Variants in S100Z observed in about 807,000 individuals in gnomAD.
S100Z encodes protein S100-Z.
S100Z carries 11 observed loss-of-function variants against 8.5 expected under a neutral mutation model. That is an observed-to-expected ratio of 1.30 (90% confidence interval 0.82 to 2.15). The LOEUF (loss-of-function observed/expected upper bound fraction) is 2.15, where lower values mean the gene tolerates loss of function less well. Ranked by LOEUF, S100Z falls within the 30% of genes most tolerant of loss-of-function variation. The probability of loss-of-function intolerance (pLI) is 0.00; values close to 1 mark genes in which losing one functional copy is unlikely to be tolerated. For synonymous variants in S100Z, 34 were observed against 43.8 expected (o/e 0.78, Z 0.89); for missense variants, 126 against 117.9 (o/e 1.07, Z -0.32).
chr5:76,892,268 C>T (rs368049506), intron 4 of S100Z, among the ~76,000 whole-genome samples: 13 of 152,186 alleles, frequency 8.5e-5, no homozygotes, highest in Middle Eastern at 3.4e-3. Context: ...CAGATGAGAT[C>T]GGTAGGATGG....
At position 76,897,036 on chromosome 5, in the gene S100Z, C is replaced by G. The variant is rs190877178; in HGVS notation, c.*2+19202C>G. 2.0e-3 allele frequency among the ~76,000 whole-genome samples: 309 copies of G among 152,214 alleles called. 2 individuals carry two copies. The highest frequency in any genetic ancestry group is 0.014 in the Middle Eastern group (4 of 294). On this transcript the variant is annotated intron_variant, in intron 4 of 4. Transcript: ENST00000317593. ...CTGTGTGTCTGTTTTTATGCCAATG[C>G]CATGCTGTTTGGTTACTATAGCTCT...
At position 76,853,580 on chromosome 5, in the gene S100Z, G is replaced by A. The variant is rs375816454; in HGVS notation, c.-176+3425G>A. Among the ~76,000 whole-genome samples the A allele has an allele frequency of 3.7e-4, 57 of 152,222 alleles. No individual in the cohort carries two copies. The South Asian group carries it at 0.011, about 30-fold the overall frequency. On this transcript the variant is annotated intron_variant, in intron 1 of 4. Coordinates refer to ENST00000317593, the MANE Select transcript of S100Z (RefSeq NM_130772.4). ...GGAGGCTGAGGCAGGCAGATCATCT[G>A]AGGTCAGGAGTTCAAGATCAGCCTG...
chr5:76,868,521 T>C (rs1408433224), intron 1 of S100Z, among the ~76,000 whole-genome samples: 2 of 151,994 alleles, frequency 1.3e-5, no homozygotes, highest in Non-Finnish European at 2.9e-5. Context: ...AATATAATAC[T>C]GTTGAGACCC....
chr5:76,940,495 C>T, the S100Z span, among the ~76,000 whole-genome samples: 1 of 152,176 alleles, frequency 6.6e-6, no homozygotes, highest in Middle Eastern at 3.4e-3. Flanking sequence ...TAAGTGCAAC[C>T]TCCACCTTCT....
chr5:76,941,429 C>T, the S100Z span, among the ~76,000 whole-genome samples: 2,216 of 152,282 alleles, frequency 0.015, 62 homozygotes, highest in African/African-American at 0.05. Context: ...GGTTCCCCTA[C>T]ACACGCTCTC....
At chr5:76,874,953 C>T (rs898334092) in intron 2 of S100Z, among the ~76,000 whole-genome samples, 1 of 151,982 alleles carries the variant, frequency 6.6e-6, no homozygotes, top group Non-Finnish European at 1.5e-5. Context: ...GGCGCGATCT[C>T]GGCTCACTGC....
intron 1 of S100Z, among the ~76,000 whole-genome samples, chr5:76,854,329 C>T (rs1028281054): frequency 6.6e-6 from 1 of 152,092 alleles, no homozygotes; most frequent in Non-Finnish European, 1.5e-5. Flanking sequence ...TTGGAACTTC[C>T]TAGAGACTTG....
downstream of S100Z, among the ~76,000 whole-genome samples, chr5:76,921,988 CAAAAAAA>C (rs35018497): frequency 2.6e-5 from 3 of 114,726 alleles, no homozygotes; most frequent in Admixed American, 2.7e-4. Flanking sequence ...GAGACTGTCT[CAAAAAAA>C]AAAAAAAAGA....
downstream of S100Z, among the ~76,000 whole-genome samples, chr5:76,924,827 C>T (rs1016546666): frequency 4.0e-5 from 6 of 151,884 alleles, no homozygotes; most frequent in African/African-American, 7.3e-5. Flanking sequence ...GTAGGAGAAT[C>T]GCTTGAACGC....
chr5:76,877,564 G>A, intron 3 of S100Z, 110 bp from the exon 4 acceptor site: 1 of 711,634 alleles, frequency 1.4e-6, no homozygotes, highest in Middle Eastern at 2.4e-4. Context: ...AATGTCTTTA[G>A]ATGCTATAAA....
chr5:76,887,416 T>TTC (rs1554038026), intron 4 of S100Z, among the ~76,000 whole-genome samples: 3 of 141,832 alleles, frequency 2.1e-5, no homozygotes, highest in Non-Finnish European at 4.5e-5. Context: ...TTTTTTTTTT[T>TTC]CTGAGATGAG....
At chr5:76,911,513 C>G (rs756268348) in intron 4 of S100Z, among the ~76,000 whole-genome samples, 1 of 152,218 alleles carries the variant, frequency 6.6e-6, no homozygotes, top group Admixed American at 6.5e-5. Flanking sequence ...CACATCTCAA[C>G]TTATGTGGAC....
intron 1 of S100Z, among the ~76,000 whole-genome samples, chr5:76,861,343 A>AT (rs10568349): frequency 0.036 from 5,333 of 148,066 alleles, 136 homozygotes; most frequent in Non-Finnish European, 0.056. Flanking sequence ...AAAAGCCAGG[A>AT]TTTTTTTTTT....
the S100Z span, among the ~76,000 whole-genome samples, chr5:76,945,601 G>C: frequency 6.6e-6 from 1 of 152,238 alleles, no homozygotes; most frequent in Non-Finnish European, 1.5e-5. Context: ...TGTTTGGGTG[G>C]AGAGAAGCAT....
intron 4 of S100Z, among the ~76,000 whole-genome samples, chr5:76,920,150 T>C (rs1242536417): frequency 6.6e-6 from 1 of 152,104 alleles, no homozygotes; most frequent in Admixed American, 6.6e-5. Context: ...CCTCAGTTTA[T>C]CTGCTCCCTT....
At chr5:76,861,317 C>G (rs1751048664) in intron 1 of S100Z, among the ~76,000 whole-genome samples, 1 of 150,912 alleles carries the variant, frequency 6.6e-6, no homozygotes, top group African/African-American at 2.4e-5. Context: ...GTGAGTGATT[C>G]AAGAGGAAGC....
At chr5:76,852,672 T>G (rs1354031250) in intron 1 of S100Z, among the ~76,000 whole-genome samples, 1 of 152,106 alleles carries the variant, frequency 6.6e-6, no homozygotes, top group African/African-American at 2.4e-5. Context: ...ATCCCGCTAC[T>G]GCACTGCACT....
chr5:76,939,931 G>A, the S100Z span, among the ~76,000 whole-genome samples: 2 of 151,818 alleles, frequency 1.3e-5, no homozygotes, highest in East Asian at 2.0e-4. Context: ...AGGCTGAGGC[G>A]GGCGGATCAC....
At chr5:76,875,590 A>C in intron 3 of S100Z, 90 bp downstream of exon 3, 1 of 1,204,816 alleles carries the variant, frequency 8.3e-7, no homozygotes, top group Non-Finnish European at 1.1e-6. Context: ...CTGTCCTGTG[A>C]TTCTGTCACA....
Sources: allele counts gnomAD v4.1 joint callset (sites outside exome capture counted in the v4.1 genomes callset), GRCh38; gene constraint gnomAD v4.1.1; transcripts MANE v1.5; gene names NCBI Gene and HGNC (gene_info 2026-07-23, HGNC 2026-07-21).